Variants in USP48 observed in about 807,000 individuals in gnomAD.
USP48 encodes the protein ubiquitin carboxyl-terminal hydrolase 48.
A neutral mutation model predicts 150.7 loss-of-function variants in USP48; 43 were observed. The ratio of observed to expected loss-of-function variants is 0.29; its 90% CI spans 0.22 to 0.37. The LOEUF (loss-of-function observed/expected upper bound fraction) is 0.37, where lower values mean the gene tolerates loss of function less well. Ranked by LOEUF, USP48 falls within the 10% of genes least tolerant of loss-of-function variation. USP48 has a pLI of 1.00. For synonymous variants in USP48, 396 were observed against 425.9 expected, an observed-to-expected ratio of 0.93 and a Z score of 0.86; for missense variants, 813 against 1,249.6, an observed-to-expected ratio of 0.65 and a Z score of 5.27.
chr1:21,720,531 CT>C (rs879555456), intron 14 of USP48, among the ~76,000 whole-genome samples: 242 of 140,146 alleles, frequency 1.7e-3, no homozygotes, highest in Admixed American at 1.8e-3. Flanking sequence ...TTTTCTTTTT[CT>C]TTTTTTTTTT....
chr1:21,693,801 T>A (rs1440330950), intron 23 of USP48, among the ~76,000 whole-genome samples: 1 of 152,194 alleles, frequency 6.6e-6, no homozygotes, highest in African/African-American at 2.4e-5. Flanking sequence ...AACACACTTA[T>A]TTTCAGAGCC....
rs746222258 is a variant in USP48, at chr1:21,715,473, A to G, written c.1895-16T>C. On this transcript the variant is annotated splice_polypyrimidine_tract_variant and intron_variant, in intron 14 of 26. Coordinates refer to ENST00000308271, the MANE Select transcript of USP48 (RefSeq NM_032236.8). ...TTTGATTCATCTAATCAAAAGAAAT[A>G]CAAATGATATCTGCTGTGGTTATTG... 6.7e-7 allele frequency: 1 copy of G among 1,497,118 alleles called. No homozygotes were observed. The highest frequency in any genetic ancestry group is 1.1e-5 in the South Asian group (1 of 87,948). The allele number at this position is 1,497,118 out of a possible 1,614,324, so 92.7% of individuals were successfully genotyped here.
intron 23 of USP48, among the ~76,000 whole-genome samples, chr1:21,690,600 T>G (rs929511204): frequency 6.6e-6 from 1 of 152,094 alleles, no homozygotes; most frequent in African/African-American, 2.4e-5. Flanking sequence ...CATGGCTCAT[T>G]GCAGCCTTGA....
chr1:21,747,009 C>A, intron 8 of USP48, 58 bp downstream of exon 8: 2 of 1,350,388 alleles, frequency 1.5e-6, no homozygotes, highest in Admixed American at 2.3e-5. Context: ...AATCACAAGC[C>A]GATCACAAGT....
At position 21,690,222 on chromosome 1, in the gene USP48, A is replaced by G. The variant is rs939488807; in HGVS notation, c.2884-123T>C. On this transcript the variant is annotated intron_variant, in intron 23 of 26. Transcript: ENST00000308271. ...AAAGGCTTCAGAGTACAAAACCACT[A>G]TTGTTTACAGTCAGCCTACTTGTTA... 11 of 1,170,442 alleles carry G rather than the reference A, an allele frequency of 9.4e-6. No homozygotes were observed. In the African/African-American group the frequency reaches 1.2e-4, roughly 13 times the overall value. The allele number at this position is 1,170,442 out of a possible 1,614,324, so 72.5% of individuals were successfully genotyped here.
chr1:21,714,334 G>A (rs1052067384), intron 15 of USP48, among the ~76,000 whole-genome samples: 28 of 152,176 alleles, frequency 1.8e-4, no homozygotes, highest in Non-Finnish European at 4.0e-4. Context: ...GGAGTGCAGC[G>A]TCGTGATCAT....
intron 21 of USP48, among the ~76,000 whole-genome samples, chr1:21,702,196 A>G (rs943129040): frequency 6.6e-6 from 1 of 152,222 alleles, no homozygotes; most frequent in Non-Finnish European, 1.5e-5. Flanking sequence ...TAGGAAATGA[A>G]GGCCTTAGTT....
chr1:21,741,634 A>G (rs932545788), intron 8 of USP48, among the ~76,000 whole-genome samples: 12 of 152,350 alleles, frequency 7.9e-5, no homozygotes, highest in African/African-American at 2.9e-4. Flanking sequence ...AGATTCCTAT[A>G]TAAGATAGTC....
intron 23 of USP48, among the ~76,000 whole-genome samples, chr1:21,693,088 C>A (rs757217299): frequency 6.6e-6 from 1 of 152,050 alleles, no homozygotes; most frequent in African/African-American, 2.4e-5. Context: ...TAGAAGCGAT[C>A]GCCTCAGCTG....
rs1442767305 is a variant in USP48, at chr1:21,745,494, T to C, written c.991+1573A>G. Among the ~76,000 whole-genome samples the C allele has an allele frequency of 2.6e-5, 4 of 151,812 alleles. No homozygotes were observed. In the East Asian group the frequency reaches 7.7e-4, roughly 29 times the overall value. ...TCCAGCTTGAGCCCAGGAGGCTGAGTCCGTGATGAGCCGTGATCACATCAA... is the reference window on the plus strand; with the variant it reads ...TCCAGCTTGAGCCCAGGAGGCTGAGCCCGTGATGAGCCGTGATCACATCAA... On this transcript the variant is annotated intron_variant, in intron 8 of 26. Transcript: ENST00000308271.
chr1:21,699,192 A>ATTTT (rs71016932), intron 22 of USP48, among the ~76,000 whole-genome samples: 13 of 63,610 alleles, frequency 2.0e-4, no homozygotes, highest in Non-Finnish European at 3.7e-4. Flanking sequence ...ACCACACCTA[A>ATTTT]TTTTTTTTTT....
intron 8 of USP48, among the ~76,000 whole-genome samples, chr1:21,742,947 A>G (rs1382211054): frequency 6.6e-6 from 1 of 152,246 alleles, no homozygotes. Flanking sequence ...CAGCCTGAAC[A>G]ATATTCCAAC....
Position 21,770,913 on chromosome 1 carries a change from C to T in USP48, c.134+11911G>A, listed in dbSNP as rs552279096. Among the ~76,000 whole-genome samples, 6 of 151,522 alleles carry T rather than the reference C, an allele frequency of 4.0e-5. No individual in the cohort carries two copies. The East Asian group carries it at 7.9e-4, about 20-fold the overall frequency. On this transcript the variant is annotated intron_variant, in intron 1 of 26. Transcript: ENST00000308271. ...CGAGGCAGGCAGATCACCTGAGGCC[C>T]GGAGTTGAAGACCAGCCTGGCCAAG...
chr1:21,734,730 G>T (rs1231864374), intron 9 of USP48, among the ~76,000 whole-genome samples: 3 of 152,136 alleles, frequency 2.0e-5, no homozygotes, highest in African/African-American at 7.2e-5. Flanking sequence ...TCATCTCACT[G>T]TGCTGTGTGT....
intron 15 of USP48, among the ~76,000 whole-genome samples, chr1:21,712,352 C>A (rs559068496): frequency 6.6e-6 from 1 of 151,994 alleles, no homozygotes; most frequent in East Asian, 1.9e-4. Context: ...CAGTGAGACG[C>A]CATCTCAAAA....
intron 1 of USP48, among the ~76,000 whole-genome samples, chr1:21,766,133 C>T (rs904321349): frequency 1.3e-5 from 2 of 152,026 alleles, no homozygotes; most frequent in African/African-American, 2.4e-5. Flanking sequence ...TCTGAAAGGC[C>T]GAGGCGGGAG....
At chr1:21,770,230 A>G (rs2097875456) in intron 1 of USP48, among the ~76,000 whole-genome samples, 1 of 152,062 alleles carries the variant, frequency 6.6e-6, no homozygotes, top group Non-Finnish European at 1.5e-5. Context: ...TTAATCTTAT[A>G]AAGTTGAGTG....
At chr1:21,692,012 G>A (rs2097602920) in intron 23 of USP48, among the ~76,000 whole-genome samples, 1 of 152,148 alleles carries the variant, frequency 6.6e-6, no homozygotes, top group South Asian at 2.1e-4. Flanking sequence ...ACCTTGAACT[G>A]TGTGTGTAAC....
chr1:21,757,820 C>T lies in USP48; in HGVS notation c.135-37G>A, dbSNP rs1357948946. 5 of 1,555,110 alleles carry T rather than the reference C, an allele frequency of 3.2e-6. 1 individual carries two copies. The highest frequency in any genetic ancestry group is 4.5e-5 in the East Asian group (2 of 44,238). ...AAAAAAACCTTTAATTTTTAAAAGA[C>T]CATAGTTTCATGAGAGACAAACAAA... On this transcript the variant is annotated intron_variant, in intron 1 of 26. Transcript: ENST00000308271.
Sources: gnomAD v4.1 joint callset for allele counts (sites outside exome capture counted in the v4.1 genomes callset) on GRCh38, gnomAD v4.1.1 for gene constraint, MANE v1.5 for transcripts, NCBI Gene and HGNC (gene_info 2026-07-23, HGNC 2026-07-21) for gene names.